Variants in LGR5 observed in about 807,000 individuals in gnomAD.
LGR5 encodes leucine rich repeat containing G protein-coupled receptor 5, also known as leucine-rich repeat-containing G protein-coupled receptor 5.
In LGR5, 54 loss-of-function variants were observed where a neutral mutation model predicts 76.7. The ratio of observed to expected loss-of-function variants is 0.70; its 90% CI spans 0.57 to 0.88. The LOEUF (loss-of-function observed/expected upper bound fraction) is 0.88, where lower values mean the gene tolerates loss of function less well. Ranked by LOEUF, LGR5 falls within the 40% of genes least tolerant of loss-of-function variation. LGR5 has a pLI of 0.00. For synonymous variants in LGR5, 406 were observed against 421.9 expected (o/e 0.96, Z 0.46); for missense variants, 1,078 against 1,073.3 (o/e 1.00, Z -0.06).
At chr12:71,555,349 C>A (rs1251625345) in intron 5 of LGR5, among the ~76,000 whole-genome samples, 1 of 152,162 alleles carries the variant, frequency 6.6e-6, no homozygotes, top group Admixed American at 6.5e-5. Flanking sequence ...TCACCCTATC[C>A]TCCTTAAGCC....
chr12:71,486,707 G>A (rs555911239), intron 1 of LGR5, among the ~76,000 whole-genome samples: 1 of 152,220 alleles, frequency 6.6e-6, no homozygotes, highest in Non-Finnish European at 1.5e-5. Context: ...TGCCACTGAG[G>A]TCAAATTATT....
intron 1 of LGR5, among the ~76,000 whole-genome samples, chr12:71,480,593 T>C (rs1873553111): frequency 6.6e-6 from 1 of 152,132 alleles, no homozygotes. Context: ...GGAAATGTAC[T>C]TCTTGTGTCA....
At position 71,502,115 on chromosome 12, in the gene LGR5, T is replaced by C. The variant is rs146761098; in HGVS notation, c.213-2499T>C. Among the ~76,000 whole-genome samples, 411 of 152,148 alleles carry C rather than the reference T, an allele frequency of 2.7e-3. 3 individuals are homozygous for C. The highest frequency in any genetic ancestry group is 9.3e-3 in the African/African-American group (385 of 41,518). ...TTGGTTTTCTAGTACTAGGTCATTA[T>C]CTAAGAGGAATTACAATATGATATG... is the stretch of plus-strand genomic sequence containing the variant. On this transcript the variant is annotated intron_variant, in intron 1 of 17. Transcript: ENST00000266674.
At chr12:71,533,344 A>AAAAT (rs879765623) in intron 3 of LGR5, among the ~76,000 whole-genome samples, 4 of 151,186 alleles carry the variant, frequency 2.6e-5, no homozygotes, top group Non-Finnish European at 4.4e-5. Flanking sequence ...ACTCCGTCTC[A>AAAAT]AAATAAATAA....
chr12:71,565,472 CAT>C (rs3070195), intron 8 of LGR5, among the ~76,000 whole-genome samples: 132,657 of 143,858 alleles, frequency 0.92, 62,073 homozygotes, highest in Non-Finnish European at 0.99. Flanking sequence ...TATACATATA[CAT>C]ATATATATAT....
intron 1 of LGR5, among the ~76,000 whole-genome samples, chr12:71,487,574 C>T (rs73340120): frequency 0.023 from 3,472 of 152,156 alleles, 134 homozygotes; most frequent in African/African-American, 0.079. Context: ...GCCACCACAC[C>T]CGGCTCATTT....
chr12:71,555,924 G>A (rs1227618032), intron 5 of LGR5, among the ~76,000 whole-genome samples: 3 of 152,100 alleles, frequency 2.0e-5, no homozygotes, highest in Non-Finnish European at 4.4e-5. Flanking sequence ...GGAATCAGCT[G>A]AAATGCCCAT....
chr12:71,451,986 T>G (rs1267395973), intron 1 of LGR5, among the ~76,000 whole-genome samples: 1 of 152,100 alleles, frequency 6.6e-6, no homozygotes, highest in African/African-American at 2.4e-5. Flanking sequence ...CACCCCAAGC[T>G]CAGATTTCAA....
chr12:71,464,934 A>G (rs542485102), intron 1 of LGR5, among the ~76,000 whole-genome samples: 3 of 152,262 alleles, frequency 2.0e-5, no homozygotes, highest in African/African-American at 7.2e-5. Context: ...GGACTGAAGA[A>G]GGCAGGATTG....
rs140264650 is a variant in LGR5, at chr12:71,575,722, A to ATGTG, written c.1209-2169_1209-2166dup. ...TGAGACTCCATCTCAAAAAATATAT[A>ATGTG]TGTGTGTGTGTGTGTGTGTGTGTGT... On this transcript the variant is annotated intron_variant, in intron 13 of 17. Coordinates refer to ENST00000266674, the MANE Select transcript of LGR5 (RefSeq NM_003667.4). Among the ~76,000 whole-genome samples, 1,020 of 144,846 alleles carry ATGTG rather than the reference A, an allele frequency of 7.0e-3. 8 individuals are homozygous for ATGTG. The highest frequency in any genetic ancestry group is 0.01 in the African/African-American group (387 of 38,280).
chr12:71,532,594 T>C (rs1876372916), intron 3 of LGR5, among the ~76,000 whole-genome samples: 1 of 152,230 alleles, frequency 6.6e-6, no homozygotes, highest in African/African-American at 2.4e-5. Context: ...TGTTTGTATA[T>C]GAGCACGTAT....
intron 1 of LGR5, among the ~76,000 whole-genome samples, chr12:71,472,996 C>G (rs532059514): frequency 2.0e-5 from 3 of 152,346 alleles, no homozygotes; most frequent in Non-Finnish European, 2.9e-5. Flanking sequence ...GTTAAATTCT[C>G]TCTCCCCAAG....
chr12:71,584,062 C>A lies in LGR5; in HGVS notation c.2052C>A (p.Ile684=), dbSNP rs375514954. 2 of 1,614,210 alleles carry A rather than the reference C, an allele frequency of 1.2e-6. No individual in the cohort carries two copies. The highest frequency in any genetic ancestry group is 1.7e-6 in the Non-Finnish European group (2 of 1,180,046). Residue 684 remains isoleucine, a synonymous_variant, in exon 18 of 18, where the codon ATC becomes ATA. Coordinates refer to ENST00000266674, the MANE Select transcript of LGR5 (RefSeq NM_003667.4). Reference sequence around the variant, plus strand: ...CTCCATTTTCTAGCCTGAAAGTAATCATTTTGCTCTGTGCCCTGCTGGCCT... The same window carrying A: ...CTCCATTTTCTAGCCTGAAAGTAATAATTTTGCTCTGTGCCCTGCTGGCCT... ...TKAPFSSLKV[I]ILLCALLALT...
intron 7 of LGR5, among the ~76,000 whole-genome samples, chr12:71,560,111 A>T (rs181759706): frequency 2.0e-5 from 3 of 152,324 alleles, no homozygotes; most frequent in Non-Finnish European, 4.4e-5. Context: ...ATTGCAGCTG[A>T]CCCTTGAACA....
rs370078235 is a variant in LGR5, at chr12:71,481,073, T to C, written c.213-23541T>C. ...AAATGGGATGGGATGACAGATAAAA[T>C]TGACCTTTTTTCTTTTTCATTTATT... On this transcript the variant is annotated intron_variant, in intron 1 of 17. Transcript: ENST00000266674. 1.1e-4 allele frequency among the ~76,000 whole-genome samples: 16 copies of C among 152,230 alleles called. No individual in the cohort carries two copies. In the South Asian group the frequency reaches 2.9e-3, roughly 28 times the overall value.
At chr12:71,531,693 C>T in intron 3 of LGR5, among the ~76,000 whole-genome samples, 1 of 152,062 alleles carries the variant, frequency 6.6e-6, no homozygotes, top group South Asian at 2.1e-4. Flanking sequence ...CATGGTGAAA[C>T]CCCGTTGCTG....
intron 4 of LGR5, among the ~76,000 whole-genome samples, 161 bp from the exon 5 acceptor site, chr12:71,552,912 G>A (rs1877561989): frequency 6.6e-6 from 1 of 152,006 alleles, no homozygotes; most frequent in African/African-American, 2.4e-5. Context: ...ATGAGAAGGA[G>A]AGATCATCTG....
intron 1 of LGR5, among the ~76,000 whole-genome samples, chr12:71,482,424 G>C (rs554314163): frequency 6.4e-4 from 97 of 152,098 alleles, no homozygotes; most frequent in African/African-American, 2.3e-3. Flanking sequence ...TCTCCACATG[G>C]CCTTCCCTCC....
At chr12:71,537,594 A>G (rs1372180519) in intron 4 of LGR5, among the ~76,000 whole-genome samples, 1 of 152,216 alleles carries the variant, frequency 6.6e-6, no homozygotes, top group Non-Finnish European at 1.5e-5. Context: ...ACACAAGGCC[A>G]GTTTGGAGGT....
Sources: allele counts gnomAD v4.1 joint callset (sites outside exome capture counted in the v4.1 genomes callset), GRCh38; gene constraint gnomAD v4.1.1; transcripts MANE v1.5; gene names NCBI Gene and HGNC (gene_info 2026-07-23, HGNC 2026-07-21).